Variants in CLCF1 observed in about 807,000 individuals in gnomAD.
CLCF1 encodes the protein cardiotrophin like cytokine factor 1, also known as cardiotrophin-like cytokine factor 1.
A neutral mutation model predicts 21.2 loss-of-function variants in CLCF1; 10 were observed. The ratio of observed to expected loss-of-function variants is 0.47; its 90% CI spans 0.29 to 0.80. The LOEUF (loss-of-function observed/expected upper bound fraction) is 0.80. Among genes scored for constraint, CLCF1 ranks in the 30% least tolerant of loss-of-function variants. CLCF1 has a pLI of 0.09. For missense variants in CLCF1, 240 were observed against 293.4 expected (o/e 0.82, Z 1.33); for synonymous variants, 115 against 120.5 (o/e 0.95, Z 0.30).
chr11:67,373,526 G>T lies in CLCF1; in HGVS notation c.14C>A (p.Ala5Glu). 1 of 1,427,758 alleles carries T rather than the reference G, an allele frequency of 7.0e-7. No homozygotes were observed. The highest frequency in any genetic ancestry group is 2.6e-5 in the Admixed American group (1 of 38,294). The allele number at this position is 1,427,758 out of a possible 1,614,324, so 88.4% of individuals were successfully genotyped here. A position where few individuals can be genotyped will look rare whatever the true frequency, so the allele number is the denominator to read the frequency against. Reference sequence around the variant, plus strand: ...GGCCTCGGCCGCCTGGCTCCTACCTGCTCGGAGGTCCATGGGGCTGGGGCC... The same window carrying T: ...GGCCTCGGCCGCCTGGCTCCTACCTTCTCGGAGGTCCATGGGGCTGGGGCC... Reference protein sequence around the residue: MDLRAGDSWGMLACL... With the variant: MDLREGDSWGMLACL... Residue 5 changes from alanine (A) to glutamate (E), a missense_variant and splice_region_variant, in exon 1 of 3, where the codon GCA becomes GAA. Ala to Glu is a moderately radical substitution (Grantham distance 107). Coordinates refer to ENST00000312438, the MANE Select transcript of CLCF1 (RefSeq NM_013246.3).
In CLCF1 at chr11:67,372,733, C is replaced by T. The variant is rs1416164983; in HGVS notation, c.16+791G>A. On this transcript the variant is annotated intron_variant, in intron 1 of 2. Coordinates refer to ENST00000312438, the MANE Select transcript of CLCF1 (RefSeq NM_013246.3). The surrounding 1 kb of genome is among the most constrained non-coding windows in gnomAD (Gnocchi z 5.9). ...TCCTGCCCGGGCTGAGCGGCTGCTCCCGCCGCTCCCTGGCCAGTGACAGAC... is the reference window on the plus strand; with the variant it reads ...TCCTGCCCGGGCTGAGCGGCTGCTCTCGCCGCTCCCTGGCCAGTGACAGAC... 2.7e-5 allele frequency among the ~76,000 whole-genome samples: 4 copies of T among 150,480 alleles called. No homozygotes were observed. The highest frequency in any genetic ancestry group is 4.9e-5 in the African/African-American group (2 of 41,232).
In CLCF1 at chr11:67,364,997, C is replaced by T; in HGVS notation, c.*139G>A. 1.4e-6 allele frequency: 2 copies of T among 1,433,106 alleles called. No individual in the cohort carries two copies. The highest frequency in any genetic ancestry group is 1.3e-5 in the South Asian group (1 of 77,528). The allele number at this position is 1,433,106 out of a possible 1,614,324, so 88.8% of individuals were successfully genotyped here. ...GGGGAGGAGACAGGGCTGATCGCAT[C>T]ACACGCCCAGCCGGTCCAGGAAAGG... On this transcript the variant is annotated 3_prime_UTR_variant, in exon 3 of 3. Transcript: ENST00000312438.
At position 67,365,452 on chromosome 11, in the gene CLCF1, T is replaced by C. The variant is rs371858892; in HGVS notation, c.362A>G (p.Asn121Ser). 10 of 1,613,800 alleles carry C rather than the reference T, an allele frequency of 6.2e-6. No homozygotes were observed. Among genetic ancestry groups the C allele is most frequent in the South Asian group, 2.2e-5 (2 of 91,082 alleles). Reference sequence around the variant, plus strand: ...CAGCTCAGCAGTGGCAGCCTGACGGTTGAGGCCACGCAAGTAACACAGAAG... The same window carrying C: ...CAGCTCAGCAGTGGCAGCCTGACGGCTGAGGCCACGCAAGTAACACAGAAG... ...SHLLCYLRGL[N>S]RQAATAELRR... Residue 121 changes from asparagine (N) to serine (S), a missense_variant, in exon 3 of 3, where the codon AAC becomes AGC. Transcript: ENST00000312438. This position sits in a 1 kb window ranked among gnomAD's most constrained non-coding sequence, Gnocchi z 5.0.
chr11:67,373,225 GGGCT>G (rs1019724170), intron 1 of CLCF1, among the ~76,000 whole-genome samples: 3 of 151,962 alleles, frequency 2.0e-5, no homozygotes, highest in African/African-American at 7.2e-5. Context: ...CGGGGCTCTG[GGGCT>G]GCGGCTCCTA....
chr11:67,371,631 G>A (rs577765660), intron 1 of CLCF1, among the ~76,000 whole-genome samples: 66 of 152,304 alleles, frequency 4.3e-4, no homozygotes, highest in African/African-American at 1.4e-3. Context: ...GAGGCCAGCG[G>A]GGAGCCAGGG....
chr11:67,371,245 C>A, intron 1 of CLCF1: 1 of 229,176 alleles, frequency 4.4e-6, no homozygotes, highest in Non-Finnish European at 7.2e-6. Flanking sequence ...TTCCTTGGTT[C>A]CTTTTACCCC....
In CLCF1 at chr11:67,371,032, G is replaced by T. The variant is rs1862221766; in HGVS notation, c.16+2492C>A. On this transcript the variant is annotated intron_variant, in intron 1 of 2. Coordinates refer to ENST00000312438, the MANE Select transcript of CLCF1 (RefSeq NM_013246.3). ...GGAGGGGTCTGTTGAGGGGAATTGA[G>T]GGATGGAGTGGGTTAGGCGGGCAGA... 3 of 985,374 alleles carry T rather than the reference G, an allele frequency of 3.0e-6. No individual in the cohort carries two copies. In the South Asian group the frequency reaches 1.4e-4, roughly 46 times the overall value. The allele number at this position is 985,374 out of a possible 1,614,324, so 61.0% of individuals were successfully genotyped here. A position where few individuals can be genotyped will look rare whatever the true frequency, so the allele number is the denominator to read the frequency against.
At chr11:67,373,875 A>C (rs1590920018), upstream of CLCF1, 2 of 816,154 alleles carry the variant, frequency 2.5e-6, no homozygotes, top group African/African-American at 2.3e-5. Flanking sequence ...CTGTGGCGGT[A>C]CCACCCTGGG....
chr11:67,370,002 G>C, intron 1 of CLCF1: 1 of 985,288 alleles, frequency 1.0e-6, no homozygotes. Context: ...TAACTGTGTC[G>C]TTGCAGGCTG....
Position 67,365,236 on chromosome 11 carries a change from G to C in CLCF1, c.578C>G (p.Thr193Ser). ...DDFWLLKELQ[T>S]WLWRSAKDFN... ...GTCCTTGGCCGAGCGCCACAGCCAGGTCTGCAGCTCCTTCAGCAGCCAGAA... is the reference window on the plus strand; with the variant it reads ...GTCCTTGGCCGAGCGCCACAGCCAGCTCTGCAGCTCCTTCAGCAGCCAGAA... The change falls in exon 3 of 3, where the codon ACC (threonine) becomes AGC (serine). Residue 193 changes from threonine to serine, a missense_variant. Transcript: ENST00000312438. This position sits in a 1 kb window ranked among gnomAD's most constrained non-coding sequence, Gnocchi z 5.0. 12 of 1,614,062 alleles carry C rather than the reference G, an allele frequency of 7.4e-6. No individual in the cohort carries two copies. Among genetic ancestry groups the C allele is most frequent in the Non-Finnish European group, 9.3e-6 (11 of 1,180,040 alleles).
chr11:67,370,821 G>A (rs1420242178), intron 1 of CLCF1: 2 of 985,308 alleles, frequency 2.0e-6, no homozygotes, highest in African/African-American at 3.5e-5. Flanking sequence ...GCTTAGGGTG[G>A]TAGGACAAGT....
Position 67,365,059 on chromosome 11 carries a change from G to A in CLCF1, c.*77C>T. 2 of 1,604,596 alleles carry A rather than the reference G, an allele frequency of 1.2e-6. No individual in the cohort carries two copies. Among genetic ancestry groups the A allele is most frequent in the East Asian group, 2.2e-5 (1 of 44,876 alleles). ...ACAGCTTCTGTCTCCTGGCTCAACA[G>A]GTGTTGGCATACAGGGCTGGCTCTC... On this transcript the variant is annotated 3_prime_UTR_variant, in exon 3 of 3. Coordinates refer to ENST00000312438, the MANE Select transcript of CLCF1 (RefSeq NM_013246.3). This position sits in a 1 kb window ranked among gnomAD's most constrained non-coding sequence, Gnocchi z 5.0.
chr11:67,367,256 C>T (rs1862130462), intron 2 of CLCF1, among the ~76,000 whole-genome samples: 1 of 152,190 alleles, frequency 6.6e-6, no homozygotes, highest in African/African-American at 2.4e-5. Context: ...GGCCTGCCCA[C>T]ATGCCTAGTC....
At position 67,372,554 on chromosome 11, in the gene CLCF1, T is replaced by A. The variant is rs530230635; in HGVS notation, c.16+970A>T. On this transcript the variant is annotated intron_variant, in intron 1 of 2. Transcript: ENST00000312438. The surrounding 1 kb of genome is among the most constrained non-coding windows in gnomAD (Gnocchi z 5.9). ...CCCTCCCGGCGCTGCGCCTTCCCCC[T>A]GTGTGGCCTCGGCGCCCCCGGCCCC... 2.0e-5 allele frequency among the ~76,000 whole-genome samples: 3 copies of A among 150,138 alleles called. No homozygotes were observed. In the South Asian group the frequency reaches 6.3e-4, roughly 32 times the overall value.
intron 1 of CLCF1, chr11:67,370,868 C>G: frequency 1.0e-6 from 1 of 985,310 alleles, no homozygotes; most frequent in Non-Finnish European, 1.2e-6. Context: ...ATAAGAGCTA[C>G]GCTAAGAACT....
upstream of CLCF1, chr11:67,373,674 C>A: frequency 2.6e-6 from 3 of 1,163,348 alleles, no homozygotes; most frequent in Non-Finnish European, 3.2e-6. Context: ...CGCTCGGTTT[C>A]GGATTTTTTT....
At chr11:67,367,156 G>A (rs1291291450) in intron 2 of CLCF1, among the ~76,000 whole-genome samples, 3 of 141,618 alleles carry the variant, frequency 2.1e-5, no homozygotes, top group African/African-American at 7.5e-5. Flanking sequence ...ACCACAACAC[G>A]GTGTAAACAG....
At chr11:67,373,670 G>A, upstream of CLCF1, 2 of 1,246,490 alleles carry the variant, frequency 1.6e-6, no homozygotes, top group Non-Finnish European at 2.0e-6. Flanking sequence ...TTTTCGCTCG[G>A]TTTCGGATTT....
chr11:67,371,123 C>T, intron 1 of CLCF1: 1 of 978,588 alleles, frequency 1.0e-6, no homozygotes, highest in Non-Finnish European at 1.2e-6. Context: ...AGGAAACTGC[C>T]CCAGGGGCGT....
Sources: allele counts gnomAD v4.1 joint callset (sites outside exome capture counted in the v4.1 genomes callset), GRCh38; gene constraint gnomAD v4.1.1; non-coding constraint Gnocchi (gnomAD v3.1); transcripts MANE v1.5; gene names NCBI Gene and HGNC (gene_info 2026-07-23, HGNC 2026-07-21).